Variants in B3GALT1 observed in about 807,000 individuals in gnomAD.
The protein encoded by B3GALT1 is UDP-Gal:betaGlcNAc beta 1,3-galactosyltransferase, polypeptide 1.
Under a neutral mutation model 23.2 loss-of-function variants are expected in B3GALT1, and 10 were observed. That is an observed-to-expected ratio of 0.43 (90% confidence interval 0.27 to 0.73). B3GALT1 has a LOEUF of 0.73. Ranked by LOEUF, B3GALT1 falls within the 30% of genes least tolerant of loss-of-function variation. B3GALT1 has a pLI of 0.21. For synonymous variants in B3GALT1, 156 were observed against 141.5 expected (o/e 1.10, Z -0.73); for missense variants, 299 against 405.4 (o/e 0.74, Z 2.25).
intron 3 of B3GALT1, among the ~76,000 whole-genome samples, chr2:167,716,698 A>T (rs2105250140): frequency 6.6e-6 from 1 of 152,324 alleles, no homozygotes; most frequent in East Asian, 1.9e-4. Flanking sequence ...TTTAGTGCAT[A>T]AGCCTGACAT....
At chr2:167,758,096 G>C (rs1033077311) in intron 3 of B3GALT1, among the ~76,000 whole-genome samples, 4 of 152,068 alleles carry the variant, frequency 2.6e-5, no homozygotes, top group Admixed American at 6.6e-5. Context: ...ATAGGTTTTT[G>C]GTTTTTTTAG....
intron 2 of B3GALT1, among the ~76,000 whole-genome samples, chr2:167,578,076 C>G (rs1281011394): frequency 6.6e-6 from 1 of 151,862 alleles, no homozygotes; most frequent in Non-Finnish European, 1.5e-5. Context: ...CCTTGAACAA[C>G]AGGAATGTTA....
At chr2:167,627,066 C>G (rs900521810) in intron 2 of B3GALT1, among the ~76,000 whole-genome samples, 2 of 151,650 alleles carry the variant, frequency 1.3e-5, no homozygotes, top group Non-Finnish European at 3.0e-5. Context: ...ATTTTATTTC[C>G]AGTGCCCAGC....
At chr2:167,444,346 C>A (rs974319155) in intron 1 of B3GALT1, among the ~76,000 whole-genome samples, 1 of 151,926 alleles carries the variant, frequency 6.6e-6, no homozygotes. Context: ...GTTTTGTCTC[C>A]GCCAGGCTTT....
rs1401739999 is a variant in B3GALT1, at chr2:167,328,513, A to T, written c.-511+35179A>T. Reference sequence around the variant, plus strand: ...AGTTCATTCACATATTTTGTTCATAATAATCTCTGAAGATCTTTTGTATTT... The same window carrying T: ...AGTTCATTCACATATTTTGTTCATATTAATCTCTGAAGATCTTTTGTATTT... On this transcript the variant is annotated intron_variant, in intron 1 of 4. Coordinates refer to ENST00000392690, the MANE Select transcript of B3GALT1 (RefSeq NM_020981.4). 2.6e-5 allele frequency among the ~76,000 whole-genome samples: 4 copies of T among 152,272 alleles called. 1 individual carries two copies. In the South Asian group the frequency reaches 8.3e-4, roughly 32 times the overall value.
chr2:167,493,351 C>T (rs1699736539), intron 2 of B3GALT1, among the ~76,000 whole-genome samples: 1 of 152,148 alleles, frequency 6.6e-6, no homozygotes, highest in African/African-American at 2.4e-5. Context: ...TCAAATACAT[C>T]AGAATGCCTG....
chr2:167,322,514 T>G (rs1327684990), intron 1 of B3GALT1, among the ~76,000 whole-genome samples: 1 of 151,982 alleles, frequency 6.6e-6, no homozygotes, highest in East Asian at 1.9e-4. Context: ...ATGTGCTACA[T>G]TTTTGCTGTA....
intron 1 of B3GALT1, among the ~76,000 whole-genome samples, chr2:167,444,676 G>T (rs1698952412): frequency 6.6e-6 from 1 of 152,156 alleles, no homozygotes; most frequent in South Asian, 2.1e-4. Flanking sequence ...AGTATTCTCT[G>T]ATGGTAGTTT....
chr2:167,528,698 C>T, intron 2 of B3GALT1, among the ~76,000 whole-genome samples: 1 of 152,150 alleles, frequency 6.6e-6, no homozygotes, highest in East Asian at 1.9e-4. Flanking sequence ...ATTAATTCTT[C>T]TCTTGTTAAT....
In B3GALT1 at chr2:167,870,138, C is replaced by T; in HGVS notation, c.*118C>T. 9.1e-7 allele frequency: 1 copy of T among 1,098,424 alleles called. No individual in the cohort carries two copies. The highest frequency in any genetic ancestry group is 1.6e-5 in the African/African-American group (1 of 62,800). The allele number at this position is 1,098,424 out of a possible 1,614,324, so 68.0% of individuals were successfully genotyped here. A position where few individuals can be genotyped will look rare whatever the true frequency, so the allele number is the denominator to read the frequency against. Reference sequence around the variant, plus strand: ...GTGAAGGGGTTTTGTAAAGTTTTTGCTTCCTGCTATAAGTTCTTTTCTTGG... The same window carrying T: ...GTGAAGGGGTTTTGTAAAGTTTTTGTTTCCTGCTATAAGTTCTTTTCTTGG... On this transcript the variant is annotated 3_prime_UTR_variant, in exon 5 of 5. Coordinates refer to ENST00000392690, the MANE Select transcript of B3GALT1 (RefSeq NM_020981.4).
intron 3 of B3GALT1, among the ~76,000 whole-genome samples, chr2:167,661,074 T>A (rs1014907691): frequency 6.6e-6 from 1 of 152,130 alleles, no homozygotes; most frequent in Non-Finnish European, 1.5e-5. Flanking sequence ...ATTTTCTTCG[T>A]TGTGCAACGG....
chr2:167,532,328 A>C (rs1369139263), intron 2 of B3GALT1, among the ~76,000 whole-genome samples: 2 of 152,208 alleles, frequency 1.3e-5, no homozygotes, highest in African/African-American at 4.8e-5. Context: ...AAGGCCATTG[A>C]ACCACATAAT....
intron 2 of B3GALT1, among the ~76,000 whole-genome samples, chr2:167,563,107 C>G (rs533561152): frequency 2.2e-4 from 34 of 152,252 alleles, no homozygotes; most frequent in East Asian, 5.9e-4. Flanking sequence ...CCTTTCCCCC[C>G]CTTCCATTCC....
intron 3 of B3GALT1, among the ~76,000 whole-genome samples, chr2:167,810,935 G>A (rs1688876013): frequency 6.6e-6 from 1 of 152,148 alleles, no homozygotes; most frequent in Admixed American, 6.5e-5. Context: ...CTCATTCACT[G>A]TGTTCTCAGT....
chr2:167,600,178 A>G (rs976917020), intron 2 of B3GALT1, among the ~76,000 whole-genome samples: 1 of 152,212 alleles, frequency 6.6e-6, no homozygotes, highest in Non-Finnish European at 1.5e-5. Flanking sequence ...AAATCAAATT[A>G]GGACAAAATC....
chr2:167,748,623 C>T (rs188937574), intron 3 of B3GALT1, among the ~76,000 whole-genome samples: 2 of 152,040 alleles, frequency 1.3e-5, no homozygotes, highest in Non-Finnish European at 2.9e-5. Flanking sequence ...GTGCATGACT[C>T]GGAATGTCAG....
Position 167,489,742 on chromosome 2 carries a change from C to A in B3GALT1, c.-510-435C>A, listed in dbSNP as rs115808356. Among the ~76,000 whole-genome samples, 1,096 of 152,136 alleles carry A rather than the reference C, an allele frequency of 7.2e-3. 9 individuals are homozygous for A. Among genetic ancestry groups the A allele is most frequent in the African/African-American group, 0.022 (929 of 41,476 alleles). ...AACCAAATGTGTTAGTTTATCATAGCAGAGTAAAGCAACAAGACAGTATTA... is the reference window on the plus strand; with the variant it reads ...AACCAAATGTGTTAGTTTATCATAGAAGAGTAAAGCAACAAGACAGTATTA... On this transcript the variant is annotated intron_variant, in intron 1 of 4. Transcript: ENST00000392690.
intron 3 of B3GALT1, among the ~76,000 whole-genome samples, chr2:167,649,304 C>CA (rs1418750413): frequency 6.6e-6 from 1 of 151,860 alleles, no homozygotes; most frequent in Non-Finnish European, 1.5e-5. Flanking sequence ...TTTATTGAGG[C>CA]AAAATTCATA....
chr2:167,686,545 G>T (rs1413365999), intron 3 of B3GALT1, among the ~76,000 whole-genome samples: 1 of 152,060 alleles, frequency 6.6e-6, no homozygotes, highest in Non-Finnish European at 1.5e-5. Flanking sequence ...CCTTCTCCTT[G>T]CTATATTGTT....
Sources: gnomAD v4.1 joint callset for allele counts (sites outside exome capture counted in the v4.1 genomes callset) on GRCh38, gnomAD v4.1.1 for gene constraint, MANE v1.5 for transcripts, NCBI Gene and HGNC (gene_info 2026-07-23, HGNC 2026-07-21) for gene names.